Variants in PCDHGA11 observed in about 807,000 individuals in gnomAD.
The protein encoded by PCDHGA11 is protocadherin gamma subfamily A, 11.
Under a neutral mutation model 60.4 loss-of-function variants are expected in PCDHGA11, and 39 were observed. The observed-to-expected ratio is 0.65, with a 90% CI of 0.50 to 0.84. The LOEUF (loss-of-function observed/expected upper bound fraction) is 0.84. PCDHGA11 is among the 40% of genes least tolerant of loss of function. The pLI is 0.00. For synonymous variants in PCDHGA11, 533 were observed against 510.3 expected (o/e 1.04, Z -0.60); for missense variants, 1,165 against 1,197.7 (o/e 0.97, Z 0.40).
At chr5:141,461,185 C>T (rs2154567265) in intron 1 of PCDHGA11, among the ~76,000 whole-genome samples, 1 of 152,134 alleles carries the variant, frequency 6.6e-6, no homozygotes, top group East Asian at 1.9e-4. Context: ...AATGGTAGAT[C>T]TGTTTTTTGC....
In PCDHGA11 at chr5:141,489,129, T is replaced by G; in HGVS notation, c.2434-5678T>G. On this transcript the variant is annotated intron_variant, in intron 1 of 3. Coordinates refer to ENST00000398587, the MANE Select transcript of PCDHGA11 (RefSeq NM_018914.3). This position sits in a 1 kb window ranked among gnomAD's most constrained non-coding sequence, Gnocchi z 4.5. ...AAGCAGGCAAACCTCCGAGCAGTTT[T>G]TAAGAGGCTGGAAGGAGACATAAGA... 1 of 761,976 alleles carries G rather than the reference T, an allele frequency of 1.3e-6. No homozygotes were observed. The highest frequency in any genetic ancestry group is 2.0e-6 in the Non-Finnish European group (1 of 490,014). The allele number at this position is 761,976 out of a possible 1,614,324, so 47.2% of individuals were successfully genotyped here.
rs1467125550 is a variant in PCDHGA11 at position 141,511,799 on chromosome 5, T to G, written c.*626T>G. 6.4e-6 allele frequency: 1 copy of G among 157,228 alleles called. No homozygotes were observed. The highest frequency in any genetic ancestry group is 1.4e-5 in the Non-Finnish European group (1 of 70,874). 9.7% of individuals were successfully genotyped at this position (157,228 alleles called of 1,614,324 possible). ...TGCTTGCTGGATTTAGGGAGGGCAT[T>G]TTGCTACCAAGCCTCTTCCCAACGC... On this transcript the variant is annotated 3_prime_UTR_variant, in exon 4 of 4. Coordinates refer to ENST00000398587, the MANE Select transcript of PCDHGA11 (RefSeq NM_018914.3).
Position 141,491,543 on chromosome 5 carries a change from A to G in PCDHGA11, c.2434-3264A>G. 6.2e-7 allele frequency: 1 copy of G among 1,613,842 alleles called. No individual in the cohort carries two copies. The highest frequency in any genetic ancestry group is 8.5e-7 in the Non-Finnish European group (1 of 1,179,982). ...ATGGAGGTGACGCTGCGGCCCACAG[A>G]CTCGCAGAGCCACTGCTACAGGACG... On this transcript the variant is annotated intron_variant, in intron 1 of 3. Coordinates refer to ENST00000398587, the MANE Select transcript of PCDHGA11 (RefSeq NM_018914.3). The surrounding 1 kb of genome is among the most constrained non-coding windows in gnomAD (Gnocchi z 6.9).
At position 141,432,872 on chromosome 5, in the gene PCDHGA11, C is replaced by T; in HGVS notation, c.2433+9212C>T. On this transcript the variant is annotated intron_variant, in intron 1 of 3. Transcript: ENST00000398587. This position sits in a 1 kb window ranked among gnomAD's most constrained non-coding sequence, Gnocchi z 6.0. ...GGTGGCCGCGGTCTCCTGCGTCTTC[C>T]TGGCCTTCGTCATCTTGCTGCTGGC... is the stretch of plus-strand genomic sequence containing the variant. 1.9e-6 allele frequency: 3 copies of T among 1,614,192 alleles called. No homozygotes were observed. Among genetic ancestry groups the T allele is most frequent in the Non-Finnish European group, 2.5e-6 (3 of 1,180,018 alleles).
At chr5:141,451,352 A>G (rs2098714151) in intron 1 of PCDHGA11, among the ~76,000 whole-genome samples, 1 of 152,232 alleles carries the variant, frequency 6.6e-6, no homozygotes, top group Non-Finnish European at 1.5e-5. Flanking sequence ...AAGGGTCAAC[A>G]GAGGATGGAT....
rs372054375 is a variant in PCDHGA11, at chr5:141,490,825, A to T, written c.2434-3982A>T. 9 of 1,613,692 alleles carry T rather than the reference A, an allele frequency of 5.6e-6. No individual in the cohort carries two copies. The highest frequency in any genetic ancestry group is 3.3e-4 in the Middle Eastern group (2 of 6,062). On this transcript the variant is annotated intron_variant, in intron 1 of 3. Transcript: ENST00000398587. This position sits in a 1 kb window ranked among gnomAD's most constrained non-coding sequence, Gnocchi z 5.4. ...TACCTTTGACTATGAATTGCTGCAG[A>T]TGCTGCAGATTGTGGTGGGGGTTCG... is the stretch of plus-strand genomic sequence containing the variant.
rs1051300319 is a variant in PCDHGA11 at position 141,491,957 on chromosome 5, A to T, written c.2434-2850A>T. ...GACCGACCCCCACCCCTACACTCAA[A>T]AAAGGCCGGGGCCTCCTTCGAGCTT... is the stretch of plus-strand genomic sequence containing the variant. On this transcript the variant is annotated intron_variant, in intron 1 of 3. Coordinates refer to ENST00000398587, the MANE Select transcript of PCDHGA11 (RefSeq NM_018914.3). The surrounding 1 kb of genome is among the most constrained non-coding windows in gnomAD (Gnocchi z 6.9). 3.6e-5 allele frequency: 37 copies of T among 1,020,096 alleles called. No individual in the cohort carries two copies. The highest frequency in any genetic ancestry group is 5.0e-5 in the Non-Finnish European group (37 of 736,248). The allele number at this position is 1,020,096 out of a possible 1,614,324, so 63.2% of individuals were successfully genotyped here.
chr5:141,421,734 G>T lies in PCDHGA11; in HGVS notation c.507G>T (p.Gln169His). 1 of 1,613,948 alleles carries T rather than the reference G, an allele frequency of 6.2e-7. No homozygotes were observed. The highest frequency in any genetic ancestry group is 8.5e-7 in the Non-Finnish European group (1 of 1,179,862). Residue 169 changes from glutamine to histidine, a missense_variant, in exon 1 of 4, where the codon CAG (glutamine) becomes CAT (histidine). Coordinates refer to ENST00000398587, the MANE Select transcript of PCDHGA11 (RefSeq NM_018914.3). Reference sequence around the variant, plus strand: ...CAGATGTGGGCGTGAACTCCCTCCAGAGCTACCAGCTCAGCCCTAATAATT... The same window carrying T: ...CAGATGTGGGCGTGAACTCCCTCCATAGCTACCAGCTCAGCCCTAATAATT... ...RDPDVGVNSLQSYQLSPNNYF... is the reference protein window; with the variant it reads ...RDPDVGVNSLHSYQLSPNNYF...
intron 1 of PCDHGA11, chr5:141,428,153 CT>C (rs2097116745): frequency 6.3e-7 from 1 of 1,581,370 alleles, no homozygotes; most frequent in Admixed American, 1.7e-5. Flanking sequence ...ACACGGGAAC[CT>C]GCTGGTTGCT....
chr5:141,499,423 G>GA (rs1229901490), intron 2 of PCDHGA11, among the ~76,000 whole-genome samples: 1 of 151,754 alleles, frequency 6.6e-6, no homozygotes, highest in Non-Finnish European at 1.5e-5. Flanking sequence ...ATGAAAAATA[G>GA]AAAAAAAATT....
At chr5:141,495,697 A>G (rs1010733016) in intron 2 of PCDHGA11, among the ~76,000 whole-genome samples, 1 of 152,086 alleles carries the variant, frequency 6.6e-6, no homozygotes, top group Non-Finnish European at 1.5e-5. Flanking sequence ...AGTGCTCAAT[A>G]AATGTGGAGT....
At chr5:141,500,488 C>A (rs569168291) in intron 2 of PCDHGA11, among the ~76,000 whole-genome samples, 2 of 152,060 alleles carry the variant, frequency 1.3e-5, no homozygotes, top group East Asian at 3.9e-4. Flanking sequence ...GGATTACAGG[C>A]GTGAGCCACC....
intron 3 of PCDHGA11, among the ~76,000 whole-genome samples, chr5:141,510,511 T>C (rs2099881465): frequency 6.6e-6 from 1 of 152,142 alleles, no homozygotes; most frequent in Non-Finnish European, 1.5e-5. Context: ...TGAGAGCCCG[T>C]GTCACAGCCC....
At chr5:141,457,280 A>T (rs964027392) in intron 1 of PCDHGA11, among the ~76,000 whole-genome samples, 1 of 152,196 alleles carries the variant, frequency 6.6e-6, no homozygotes, top group Non-Finnish European at 1.5e-5. Flanking sequence ...TGGGCCTACG[A>T]AGTTCCTTGG....
At chr5:141,497,768 G>A (rs920949258) in intron 2 of PCDHGA11, among the ~76,000 whole-genome samples, 8 of 152,070 alleles carry the variant, frequency 5.3e-5, no homozygotes, top group East Asian at 1.9e-4. Flanking sequence ...CAAACTCCCC[G>A]ACCTCAACTG....
At chr5:141,459,137 G>C (rs1336232891) in intron 1 of PCDHGA11, among the ~76,000 whole-genome samples, 1 of 152,190 alleles carries the variant, frequency 6.6e-6, no homozygotes, top group Non-Finnish European at 1.5e-5. Context: ...TAACCACCAT[G>C]CAATCAAAAT....
Position 141,487,315 on chromosome 5 carries a change from G to T in PCDHGA11, c.2434-7492G>T, listed in dbSNP as rs568326280. 11 of 1,614,166 alleles carry T rather than the reference G, an allele frequency of 6.8e-6. No individual in the cohort carries two copies. In the South Asian group the frequency reaches 1.2e-4, roughly 18 times the overall value. ...GCTCATTCGTGGCACTACTCTCTAA[G>T]TGTCTTCGTGGGGCAGCCTGTGGAG... On this transcript the variant is annotated intron_variant, in intron 1 of 3. Transcript: ENST00000398587. The surrounding 1 kb of genome is among the most constrained non-coding windows in gnomAD (Gnocchi z 5.0).
intron 1 of PCDHGA11, among the ~76,000 whole-genome samples, chr5:141,447,279 A>G (rs1394174534): frequency 1.3e-5 from 2 of 152,156 alleles, no homozygotes; most frequent in African/African-American, 4.8e-5. Flanking sequence ...AGCTGGGACT[A>G]CAGGCACATG....
Position 141,477,665 on chromosome 5 carries a change from G to T in PCDHGA11, c.2434-17142G>T, listed in dbSNP as rs753814499. ...CTATTTCACAATAAATCGTGACAAT[G>T]GCATAGTGTCATCCTTAGTGCCCCT... is the stretch of plus-strand genomic sequence containing the variant. On this transcript the variant is annotated intron_variant, in intron 1 of 3. Coordinates refer to ENST00000398587, the MANE Select transcript of PCDHGA11 (RefSeq NM_018914.3). The surrounding 1 kb of genome is among the most constrained non-coding windows in gnomAD (Gnocchi z 4.9). 6.2e-7 allele frequency: 1 copy of T among 1,614,182 alleles called. No individual in the cohort carries two copies. The highest frequency in any genetic ancestry group is 8.5e-7 in the Non-Finnish European group (1 of 1,180,038).
Sources: allele counts gnomAD v4.1 joint callset (sites outside exome capture counted in the v4.1 genomes callset), GRCh38; gene constraint gnomAD v4.1.1; non-coding constraint Gnocchi (gnomAD v3.1); transcripts MANE v1.5; gene names NCBI Gene and HGNC (gene_info 2026-07-23, HGNC 2026-07-21).